DSCAM: variants seen among roughly 807,000 people sequenced by gnomAD.
DSCAM encodes the protein DS cell adhesion molecule.
DSCAM carries 47 observed loss-of-function variants against 217.7 expected under a neutral mutation model. The observed-to-expected ratio is 0.22, with a 90% confidence interval of 0.17 to 0.28. The LOEUF (loss-of-function observed/expected upper bound fraction) is 0.28, where lower values mean the gene tolerates loss of function less well. Among genes scored for constraint, DSCAM ranks in the 10% least tolerant of loss-of-function variants. DSCAM has a pLI of 1.00. For synonymous variants in DSCAM, 1,056 were observed against 1,015.3 expected, an observed-to-expected ratio of 1.04 and a Z score of -0.76; for missense variants, 2,080 against 2,618.3, an observed-to-expected ratio of 0.79 and a Z score of 4.49.
At chr21:40,103,969 C>A (rs1231024027) in intron 20 of DSCAM, among the ~76,000 whole-genome samples, 2 of 151,858 alleles carry the variant, frequency 1.3e-5, no homozygotes, top group Non-Finnish European at 2.9e-5. Context: ...TAATGTTTTG[C>A]AACTATATTA....
intron 11 of DSCAM, among the ~76,000 whole-genome samples, chr21:40,239,542 C>CT (rs1403714601): frequency 1.3e-5 from 2 of 152,162 alleles, no homozygotes; most frequent in Admixed American, 1.3e-4. Context: ...AAATGTAATG[C>CT]TTTTTCCAGC....
Position 40,296,211 on chromosome 21 carries a change from G to C in DSCAM, c.2063-37C>G, listed in dbSNP as rs975993121. The C allele has an allele frequency of 4.4e-6, 7 of 1,608,966 alleles. No individual in the cohort carries two copies. In the Admixed American group the frequency reaches 8.4e-5, roughly 19 times the overall value. On this transcript the variant is annotated intron_variant, in intron 9 of 32. Coordinates refer to ENST00000400454, the MANE Select transcript of DSCAM (RefSeq NM_001389.5). ...GAAATGTCACCAGTAATTAAGACTA[G>C]ACCAGAAACTGAGTAAAGGTATGAT...
chr21:40,051,566 C>A (rs987442530), intron 30 of DSCAM, among the ~76,000 whole-genome samples: 6 of 152,136 alleles, frequency 3.9e-5, no homozygotes, highest in African/African-American at 1.4e-4. Context: ...GGCTATGATA[C>A]CTGCTTCACG....
chr21:40,636,539 C>T (rs1204270098), intron 3 of DSCAM, among the ~76,000 whole-genome samples: 1 of 152,144 alleles, frequency 6.6e-6, no homozygotes, highest in African/African-American at 2.4e-5. Flanking sequence ...ATCAGTGAAT[C>T]TTCCATACCA....
chr21:40,098,704 T>G lies in DSCAM; in HGVS notation c.3697-4830A>C, dbSNP rs559910638. On this transcript the variant is annotated intron_variant, in intron 20 of 32. Coordinates refer to ENST00000400454, the MANE Select transcript of DSCAM (RefSeq NM_001389.5). ...ATCTCTTAATTGTCATACAACCTCA[T>G]GCTTCCTCAACAAAACATAATGTCA... 4.6e-5 allele frequency among the ~76,000 whole-genome samples: 7 copies of G among 152,346 alleles called. No homozygotes were observed. The East Asian group carries it at 1.3e-3, about 29-fold the overall frequency.
intron 1 of DSCAM, among the ~76,000 whole-genome samples, chr21:40,718,159 C>T (rs1163737251): frequency 3.3e-5 from 5 of 152,152 alleles, no homozygotes; most frequent in African/African-American, 1.2e-4. Context: ...AGAGAGCCTA[C>T]AAGACAGAGC....
At chr21:40,674,637 T>TA (rs1249082813) in intron 3 of DSCAM, among the ~76,000 whole-genome samples, 3 of 144,624 alleles carry the variant, frequency 2.1e-5, no homozygotes, top group Non-Finnish European at 4.6e-5. Context: ...TTTTTCTTTT[T>TA]TTTTTTTTTT....
At chr21:40,609,526 G>GGA (rs1161099924) in intron 3 of DSCAM, among the ~76,000 whole-genome samples, 1 of 152,166 alleles carries the variant, frequency 6.6e-6, no homozygotes, top group Non-Finnish European at 1.5e-5. Flanking sequence ...TTTGTAGCAA[G>GGA]GACGGCAATT....
At chr21:40,394,633 C>A (rs2075162422) in intron 3 of DSCAM, among the ~76,000 whole-genome samples, 1 of 152,200 alleles carries the variant, frequency 6.6e-6, no homozygotes, top group Non-Finnish European at 1.5e-5. Context: ...GCCACACAAA[C>A]CCTGCACAGA....
Position 40,350,123 on chromosome 21 carries a change from T to C in DSCAM, c.935-2178A>G, listed in dbSNP as rs138864984. Among the ~76,000 whole-genome samples, 940 of 152,260 alleles carry C rather than the reference T, an allele frequency of 6.2e-3. 13 individuals are homozygous for C. The highest frequency in any genetic ancestry group is 0.021 in the African/African-American group (877 of 41,536). On this transcript the variant is annotated intron_variant, in intron 5 of 32. Coordinates refer to ENST00000400454, the MANE Select transcript of DSCAM (RefSeq NM_001389.5). The stretch of plus-strand genomic sequence containing the variant: ...AACCTACAGGTTTGTTTACACCTTA[T>C]ACGAAAATTAACTCAAGATGGATTA...
chr21:40,652,332 AAAC>A (rs200492689), intron 3 of DSCAM, among the ~76,000 whole-genome samples: 1,558 of 112,678 alleles, frequency 0.014, 18 homozygotes, highest in African/African-American at 0.044. Context: ...GGAAATTTGA[AAAC>A]AACAACAACA....
At chr21:40,553,935 G>A (rs556590919) in intron 3 of DSCAM, among the ~76,000 whole-genome samples, 2 of 152,190 alleles carry the variant, frequency 1.3e-5, no homozygotes, top group South Asian at 4.1e-4. Flanking sequence ...TCAGAGCAAA[G>A]CCAAGCGGAG....
At chr21:40,158,101 TG>T (rs1171790558) in intron 16 of DSCAM, among the ~76,000 whole-genome samples, 1 of 152,136 alleles carries the variant, frequency 6.6e-6, no homozygotes, top group Non-Finnish European at 1.5e-5. Flanking sequence ...AAAAGTTGTC[TG>T]GGCAAGGCAC....
In DSCAM at chr21:40,055,971, G is replaced by A. The variant is rs115204168; in HGVS notation, c.4920-131C>T. 33 of 574,872 alleles carry A rather than the reference G, an allele frequency of 5.7e-5. No individual in the cohort carries two copies. The South Asian group carries it at 8.3e-4, about 14-fold the overall frequency. 35.6% of individuals were successfully genotyped at this position (574,872 alleles called of 1,614,324 possible). On this transcript the variant is annotated intron_variant, in intron 28 of 32. Coordinates refer to ENST00000400454, the MANE Select transcript of DSCAM (RefSeq NM_001389.5). The stretch of plus-strand genomic sequence containing the variant: ...CCTTGTGAGGAGGGGAACAGAAAAC[G>A]TACATACTATGAAAACGTTTCCTTC...
chr21:40,266,672 A>ATATATATAC (rs1422997672), intron 11 of DSCAM, among the ~76,000 whole-genome samples: 1 of 45,012 alleles, frequency 2.2e-5, no homozygotes. Context: ...TATATATATA[A>ATATATATAC]TCTTGAAATT....
At chr21:40,386,703 T>C (rs2075089085) in intron 3 of DSCAM, among the ~76,000 whole-genome samples, 1 of 152,274 alleles carries the variant, frequency 6.6e-6, no homozygotes, top group Non-Finnish European at 1.5e-5. Flanking sequence ...TCTTGGGTTT[T>C]GATAGAAACT....
chr21:40,104,679 T>TC (rs2089795903), intron 20 of DSCAM, among the ~76,000 whole-genome samples: 1 of 152,010 alleles, frequency 6.6e-6, no homozygotes, highest in Non-Finnish European at 1.5e-5. Flanking sequence ...CAAGAGTAAG[T>TC]CTTACATAAA....
intron 3 of DSCAM, among the ~76,000 whole-genome samples, chr21:40,446,905 A>G (rs1278227363): frequency 1.3e-5 from 2 of 152,206 alleles, no homozygotes; most frequent in African/African-American, 2.4e-5. Flanking sequence ...CAAATGCAGC[A>G]AAGATGACAA....
At chr21:40,177,394 A>C (rs1163061594) in intron 15 of DSCAM, among the ~76,000 whole-genome samples, 2 of 152,222 alleles carry the variant, frequency 1.3e-5, no homozygotes, top group South Asian at 4.1e-4. Context: ...GCTCACTCTC[A>C]GGCACTTCAG....
Sources: gnomAD v4.1 joint callset for allele counts (sites outside exome capture counted in the v4.1 genomes callset) on GRCh38, gnomAD v4.1.1 for gene constraint, MANE v1.5 for transcripts, NCBI Gene and HGNC (gene_info 2026-07-23, HGNC 2026-07-21) for gene names.